DYNC2H1: variants seen among roughly 807,000 people sequenced by gnomAD.
DYNC2H1 encodes the protein cytoplasmic dynein 2 heavy chain 1.
DYNC2H1 carries 410 observed loss-of-function variants against 570.0 expected under a neutral mutation model. The observed-to-expected ratio is 0.72, with a 90% CI of 0.66 to 0.78. The LOEUF is 0.78. Among genes scored for constraint, DYNC2H1 ranks in the 30% least tolerant of loss-of-function variants. The pLI, the probability that DYNC2H1 is intolerant of heterozygous loss-of-function variation, is 0.00. For synonymous variants in DYNC2H1, 1,688 were observed against 1,677.6 expected (o/e 1.01, Z -0.15); for missense variants, 4,865 against 5,046.4 (o/e 0.96, Z 1.09).
At chr11:103,346,439 G>GTAA (rs1939748413) in intron 82 of DYNC2H1, among the ~76,000 whole-genome samples, 1 of 152,130 alleles carries the variant, frequency 6.6e-6, no homozygotes, top group African/African-American at 2.4e-5. Flanking sequence ...TATACACAGT[G>GTAA]TAATAACTTC....
At position 103,268,305 on chromosome 11, in the gene DYNC2H1, A is replaced by T. The variant is rs1865583498; in HGVS notation, c.10695+8328A>T. ...TACCAAGCTCTGGTTTATAAATGTT[A>T]TCTTATTGTTTTTAAAGTTGTTTAT... is the stretch of plus-strand genomic sequence containing the variant. On this transcript the variant is annotated intron_variant, in intron 70 of 88. Coordinates refer to ENST00000375735, the MANE Select transcript of DYNC2H1 (RefSeq NM_001377.3). This position sits in a 1 kb window ranked among gnomAD's most constrained non-coding sequence, Gnocchi z 4.6. Among the ~76,000 whole-genome samples the T allele has an allele frequency of 6.6e-6, 1 of 151,980 alleles. No individual in the cohort carries two copies. Among genetic ancestry groups the T allele is most frequent in the African/African-American group, 2.4e-5 (1 of 41,438 alleles).
chr11:103,161,377 AG>A (rs1039044253), intron 29 of DYNC2H1, among the ~76,000 whole-genome samples: 5 of 152,104 alleles, frequency 3.3e-5, no homozygotes, highest in Non-Finnish European at 7.4e-5. Context: ...TGGTAATCTC[AG>A]TACAGGTGGA....
chr11:103,216,662 C>T (rs1863396732), intron 55 of DYNC2H1, among the ~76,000 whole-genome samples: 2 of 151,880 alleles, frequency 1.3e-5, no homozygotes, highest in Admixed American at 1.3e-4. Flanking sequence ...TGTGGTGGCA[C>T]GTGCCTATAG....
chr11:103,352,851 A>G (rs1176996102), intron 82 of DYNC2H1, among the ~76,000 whole-genome samples: 1 of 152,212 alleles, frequency 6.6e-6, no homozygotes, highest in Non-Finnish European at 1.5e-5. Context: ...ATGCATGCAT[A>G]TATTTACTGT....
chr11:103,233,894 TTAA>T, intron 60 of DYNC2H1, 137 bp from the exon 61 acceptor site: 1 of 617,230 alleles, frequency 1.6e-6, no homozygotes. Flanking sequence ...GTCTCTTCTA[TTAA>T]TGATACTTTG....
intron 52 of DYNC2H1, among the ~76,000 whole-genome samples, chr11:103,206,762 A>G (rs1862941562): frequency 6.6e-6 from 1 of 152,184 alleles, no homozygotes; most frequent in Non-Finnish European, 1.5e-5. Flanking sequence ...GGTGACTTTG[A>G]TGGAGCAGTT....
At chr11:103,270,452 G>T (rs1865660594) in intron 70 of DYNC2H1, among the ~76,000 whole-genome samples, 1 of 151,860 alleles carries the variant, frequency 6.6e-6, no homozygotes, top group Non-Finnish European at 1.5e-5. Context: ...CACAGTAAGA[G>T]ATTAACAATA....
intron 38 of DYNC2H1, among the ~76,000 whole-genome samples, 191 bp downstream of exon 38, chr11:103,178,011 C>T (rs1861697119): frequency 6.6e-6 from 1 of 152,040 alleles, no homozygotes; most frequent in Non-Finnish European, 1.5e-5. Context: ...AACTCTGTAA[C>T]TATTTTTAAT....
chr11:103,309,166 C>CTTTTTTTTTTTTTTTTTTTTTTT (rs1274431520), intron 78 of DYNC2H1, among the ~76,000 whole-genome samples: 2 of 56,572 alleles, frequency 3.5e-5, no homozygotes, highest in Admixed American at 2.2e-4. Context: ...TAACTGCATG[C>CTTTTTTTTTTTTTTTTTTTTTTT]TATTTTTTTT....
At chr11:103,237,793 G>A (rs549827594) in intron 63 of DYNC2H1, among the ~76,000 whole-genome samples, 4 of 151,840 alleles carry the variant, frequency 2.6e-5, no homozygotes, top group Admixed American at 2.6e-4. Context: ...AGGGGAGGGT[G>A]GTAAGTCTGT....
In DYNC2H1 at chr11:103,436,600, G is replaced by A. The variant is rs191021688; in HGVS notation, c.12456+568G>A. On this transcript the variant is annotated intron_variant, in intron 85 of 88. Coordinates refer to ENST00000375735, the MANE Select transcript of DYNC2H1 (RefSeq NM_001377.3). ...AGCCTTTTGTTTTAACCACATTAAC[G>A]TCTACTATCACATGAATAACTTGAT... is the stretch of plus-strand genomic sequence containing the variant. 3.1e-3 allele frequency among the ~76,000 whole-genome samples: 467 copies of A among 152,088 alleles called. 5 individuals carry two copies. The highest frequency in any genetic ancestry group is 0.01 in the African/African-American group (430 of 41,528).
rs1480155741 is a variant in DYNC2H1, at chr11:103,268,565, T to G, written c.10695+8588T>G. Among the ~76,000 whole-genome samples, 2 of 151,994 alleles carry G rather than the reference T, an allele frequency of 1.3e-5. No homozygotes were observed. The highest frequency in any genetic ancestry group is 2.9e-5 in the Non-Finnish European group (2 of 67,890). ...ATATATTAAGCCTACGAAGTTTCGT[T>G]ATTGGTCAGTCTTGTAATAATGTGT... On this transcript the variant is annotated intron_variant, in intron 70 of 88. Coordinates refer to ENST00000375735, the MANE Select transcript of DYNC2H1 (RefSeq NM_001377.3). The surrounding 1 kb of genome is among the most constrained non-coding windows in gnomAD (Gnocchi z 4.6).
At chr11:103,118,173 A>G (rs887740492) in intron 6 of DYNC2H1, among the ~76,000 whole-genome samples, 1 of 152,108 alleles carries the variant, frequency 6.6e-6, no homozygotes, top group Non-Finnish European at 1.5e-5. Flanking sequence ...AGTTGGGACA[A>G]CTTTTTAAGT....
chr11:103,446,555 G>A lies in DYNC2H1; in HGVS notation c.12457-8631G>A, dbSNP rs489656. 0.36 allele frequency among the ~76,000 whole-genome samples: 53,918 copies of A among 151,750 alleles called. 10,117 individuals are homozygous for A. Among genetic ancestry groups the A allele is most frequent in the African/African-American group, 0.48 (19,671 of 41,296 alleles). ...GTCATATGAGTTTAAAAAAGAATAA[G>A]GGGTGAAGTTGAGACAGCAAATATA... On this transcript the variant is annotated intron_variant, in intron 85 of 88. Transcript: ENST00000375735. The surrounding 1 kb of genome is among the most constrained non-coding windows in gnomAD (Gnocchi z 4.5).
At chr11:103,118,417 AT>A in intron 6 of DYNC2H1, among the ~76,000 whole-genome samples, 1 of 152,108 alleles carries the variant, frequency 6.6e-6, no homozygotes, top group East Asian at 1.9e-4. Flanking sequence ...AAAAAGTAAA[AT>A]AGTATAATGA....
intron 12 of DYNC2H1, 71 bp downstream of exon 12, chr11:103,125,366 CTTTTTTT>C: frequency 2.7e-5 from 15 of 552,558 alleles, no homozygotes; most frequent in Admixed American, 5.0e-5. Context: ...ATGCTAAAGG[CTTTTTTT>C]TTTTTTTTTT....
chr11:103,250,501 C>T (rs1361615956), intron 65 of DYNC2H1, among the ~76,000 whole-genome samples: 2 of 152,088 alleles, frequency 1.3e-5, no homozygotes, highest in East Asian at 1.9e-4. Flanking sequence ...GCGATCCCCC[C>T]TCACTTTTGG....
chr11:103,212,860 T>C (rs1863210624), intron 54 of DYNC2H1, among the ~76,000 whole-genome samples: 1 of 152,174 alleles, frequency 6.6e-6, no homozygotes, highest in Non-Finnish European at 1.5e-5. Context: ...TTTGGATAAA[T>C]CACTTTAACT....
intron 34 of DYNC2H1, among the ~76,000 whole-genome samples, chr11:103,171,502 C>G (rs1861572421): frequency 6.6e-6 from 1 of 152,090 alleles, no homozygotes; most frequent in African/African-American, 2.4e-5. Flanking sequence ...GTGATCCACC[C>G]CCCTCGGCCT....
Sources: allele counts gnomAD v4.1 joint callset (sites outside exome capture counted in the v4.1 genomes callset), GRCh38; gene constraint gnomAD v4.1.1; non-coding constraint Gnocchi (gnomAD v3.1); transcripts MANE v1.5; gene names NCBI Gene and HGNC (gene_info 2026-07-23, HGNC 2026-07-21).